SSBP2: variants seen among roughly 807,000 people sequenced by gnomAD.
SSBP2 encodes single stranded DNA binding protein 2.
A neutral mutation model predicts 61.8 loss-of-function variants in SSBP2; 17 were observed. That is an observed-to-expected ratio of 0.28 (90% CI 0.19 to 0.41). The LOEUF is 0.41. Ranked by LOEUF, SSBP2 falls within the 10% of genes least tolerant of loss-of-function variation. The pLI, the probability that SSBP2 is intolerant of heterozygous loss-of-function variation, is 1.00. For missense variants in SSBP2, 310 were observed against 458.7 expected, an observed-to-expected ratio of 0.68 and a Z score of 2.96; for synonymous variants, 139 against 141.3, an observed-to-expected ratio of 0.98 and a Z score of 0.12.
intron 4 of SSBP2, among the ~76,000 whole-genome samples, chr5:81,580,848 T>C (rs986047457): frequency 2.6e-5 from 4 of 152,102 alleles, no homozygotes; most frequent in African/African-American, 9.7e-5. Context: ...AGCTTCTAGT[T>C]CCACTATGAT....
intron 4 of SSBP2, among the ~76,000 whole-genome samples, chr5:81,554,815 T>C (rs1037081738): frequency 1.3e-5 from 2 of 152,214 alleles, no homozygotes; most frequent in African/African-American, 4.8e-5. Context: ...ATAAATACCA[T>C]TCATGATGAT....
chr5:81,497,289 A>G (rs1432079253), intron 5 of SSBP2, among the ~76,000 whole-genome samples: 2 of 152,196 alleles, frequency 1.3e-5, no homozygotes, highest in African/African-American at 2.4e-5. Context: ...AAAGATGTTC[A>G]TTATAATGTG....
intron 1 of SSBP2, among the ~76,000 whole-genome samples, chr5:81,676,394 A>G (rs1001655739): frequency 5.9e-5 from 9 of 152,182 alleles, no homozygotes; most frequent in African/African-American, 9.6e-5. Flanking sequence ...GTAGACCTTC[A>G]TATCTACAGG....
chr5:81,568,735 A>C (rs1773625664), intron 4 of SSBP2, among the ~76,000 whole-genome samples: 2 of 152,220 alleles, frequency 1.3e-5, no homozygotes, highest in South Asian at 4.1e-4. Flanking sequence ...AATATTTAAA[A>C]TGTTCCCTTT....
intron 5 of SSBP2, 27 bp downstream of exon 5, chr5:81,513,601 A>T (rs768978497): frequency 7.2e-7 from 1 of 1,389,306 alleles, no homozygotes. Context: ...ATGCTTTAAC[A>T]TTCCTAGTCA....
At chr5:81,433,944 G>A (rs1762506339) in intron 15 of SSBP2, among the ~76,000 whole-genome samples, 1 of 152,194 alleles carries the variant, frequency 6.6e-6, no homozygotes, top group African/African-American at 2.4e-5. Context: ...TATAGCTAAT[G>A]AGAAGAAAGA....
rs528793035 is a variant in SSBP2, at chr5:81,585,565, A to G, written c.282+29908T>C. ...AAATTGTGTGTGTGTATATATATATATATATGGTTTACAGCATATTTTCAT... is the reference window on the plus strand; with the variant it reads ...AAATTGTGTGTGTGTATATATATATGTATATGGTTTACAGCATATTTTCAT... On this transcript the variant is annotated intron_variant, in intron 4 of 16. Coordinates refer to ENST00000320672, the MANE Select transcript of SSBP2 (RefSeq NM_012446.5). Among the ~76,000 whole-genome samples, 7 of 152,168 alleles carry G rather than the reference A, an allele frequency of 4.6e-5. No individual in the cohort carries two copies. In the South Asian group the frequency reaches 1.5e-3, roughly 32 times the overall value.
intron 8 of SSBP2, among the ~76,000 whole-genome samples, chr5:81,467,536 A>C (rs749031794): frequency 2.8e-4 from 42 of 152,164 alleles, no homozygotes; most frequent in Non-Finnish European, 5.0e-4. Flanking sequence ...GAAATGCATT[A>C]ATATACAAAT....
intron 4 of SSBP2, among the ~76,000 whole-genome samples, chr5:81,537,284 T>C (rs1169827468): frequency 6.6e-6 from 1 of 152,084 alleles, no homozygotes; most frequent in Admixed American, 6.6e-5. Context: ...TTTCTTCTTA[T>C]GGGGGTGGAG....
At chr5:81,524,977 C>G (rs573654111) in intron 4 of SSBP2, among the ~76,000 whole-genome samples, 15 of 152,006 alleles carry the variant, frequency 9.9e-5, no homozygotes, top group Non-Finnish European at 1.9e-4. Context: ...ATAAATACAA[C>G]TGAAACCATA....
At chr5:81,718,057 T>A (rs149980409) in intron 1 of SSBP2, among the ~76,000 whole-genome samples, 85 of 152,152 alleles carry the variant, frequency 5.6e-4, no homozygotes, top group African/African-American at 1.9e-3. Flanking sequence ...GTGTGGTTTT[T>A]CATCATTTAT....
intron 10 of SSBP2, among the ~76,000 whole-genome samples, chr5:81,456,408 T>C (rs1476527110): frequency 6.6e-6 from 1 of 151,868 alleles, no homozygotes; most frequent in Admixed American, 6.6e-5. Context: ...ATTTAAACTT[T>C]TGGAACCAAG....
At chr5:81,448,689 C>A (rs1561412212) in intron 11 of SSBP2, 101 bp downstream of exon 11, 2 of 1,161,474 alleles carry the variant, frequency 1.7e-6, no homozygotes, top group Middle Eastern at 2.0e-4. Flanking sequence ...CACTTCTTGG[C>A]CAATACACAG....
intron 4 of SSBP2, among the ~76,000 whole-genome samples, chr5:81,570,980 T>G (rs1773794015): frequency 6.6e-6 from 1 of 152,220 alleles, no homozygotes; most frequent in Non-Finnish European, 1.5e-5. Flanking sequence ...CTATCACATC[T>G]GTTTTTTGTC....
chr5:81,688,276 T>G (rs565260038), intron 1 of SSBP2, among the ~76,000 whole-genome samples: 1 of 152,284 alleles, frequency 6.6e-6, no homozygotes, highest in South Asian at 2.1e-4. Context: ...CCAAGTAGAT[T>G]CCTAAAGTTT....
At chr5:81,481,640 T>G (rs1580794492) in intron 6 of SSBP2, among the ~76,000 whole-genome samples, 1 of 144,070 alleles carries the variant, frequency 6.9e-6, no homozygotes, top group Admixed American at 6.9e-5. Flanking sequence ...AAAAACAAAC[T>G]GAAAGTAAAA....
chr5:81,751,569 C>A (rs927716226), upstream of SSBP2: 11 of 62,928 alleles, frequency 1.7e-4, no homozygotes, highest in East Asian at 3.7e-3. Context: ...TCGGGGCGCC[C>A]GCCGAGTCCA....
intron 3 of SSBP2, among the ~76,000 whole-genome samples, chr5:81,633,862 C>G (rs966788486): frequency 2.0e-5 from 3 of 152,244 alleles, no homozygotes; most frequent in Non-Finnish European, 4.4e-5. Flanking sequence ...TGATTATACA[C>G]TAGTTCAAGT....
intron 4 of SSBP2, among the ~76,000 whole-genome samples, chr5:81,591,885 C>T (rs545535337): frequency 6.6e-6 from 1 of 152,210 alleles, no homozygotes; most frequent in Non-Finnish European, 1.5e-5. Flanking sequence ...GGAACAGCTC[C>T]AGTCTATAGC....
Sources: allele counts gnomAD v4.1 joint callset (sites outside exome capture counted in the v4.1 genomes callset), GRCh38; gene constraint gnomAD v4.1.1; transcripts MANE v1.5; gene names NCBI Gene and HGNC (gene_info 2026-07-23, HGNC 2026-07-21).